Variants in LSG1 observed in about 807,000 individuals in gnomAD.
The protein encoded by LSG1 is large subunit GTPase 1 homolog.
In LSG1, 55 loss-of-function variants were observed where a neutral mutation model predicts 82.6. The observed-to-expected ratio is 0.67, with a 90% confidence interval of 0.54 to 0.83. The LOEUF is 0.83. Ranked by LOEUF, LSG1 falls within the 40% of genes least tolerant of loss-of-function variation. The pLI is 0.00. For synonymous variants in LSG1, 272 were observed against 282.5 expected (o/e 0.96, Z 0.37); for missense variants, 809 against 807.9 (o/e 1.00, Z -0.02).
intron 7 of LSG1, among the ~76,000 whole-genome samples, chr3:194,657,927 G>T (rs148179500): frequency 2.0e-5 from 3 of 152,224 alleles, no homozygotes; most frequent in Non-Finnish European, 4.4e-5. Flanking sequence ...CTTTGACAGG[G>T]AAGTGGAGGA....
intron 12 of LSG1, among the ~76,000 whole-genome samples, chr3:194,645,565 C>CACAG (rs1718523827): frequency 1.6e-5 from 1 of 62,900 alleles, no homozygotes; most frequent in African/African-American, 5.8e-5. Flanking sequence ...CACACACACA[C>CACAG]ACACAGACAG....
chr3:194,662,096 C>A (rs1263919257), intron 5 of LSG1, among the ~76,000 whole-genome samples: 7 of 152,184 alleles, frequency 4.6e-5, no homozygotes, highest in Admixed American at 4.6e-4. Flanking sequence ...CCCTGACGCC[C>A]AAGAAAGCCC....
intron 13 of LSG1, among the ~76,000 whole-genome samples, chr3:194,643,860 C>T (rs950620618): frequency 2.6e-5 from 4 of 152,028 alleles, no homozygotes; most frequent in Non-Finnish European, 5.9e-5. Context: ...AAACATTATT[C>T]GGTAATAAAA....
chr3:194,649,594 G>A (rs1465553762), intron 10 of LSG1, among the ~76,000 whole-genome samples: 2 of 152,084 alleles, frequency 1.3e-5, no homozygotes, highest in East Asian at 3.9e-4. Context: ...GGAGGCTGAG[G>A]CAGGAGAATT....
At chr3:194,645,511 C>CACACACAGACAG (rs1718505246) in intron 12 of LSG1, 1 of 43,186 alleles carries the variant, frequency 2.3e-5, no homozygotes, top group Admixed American at 2.7e-4. Flanking sequence ...CACACACACA[C>CACACACAGACAG]ACACACACAC....
chr3:194,671,903 C>CA, intron 1 of LSG1, 161 bp downstream of exon 1: 1 of 689,816 alleles, frequency 1.4e-6, no homozygotes, highest in South Asian at 1.6e-5. Context: ...TGGGCCTTGC[C>CA]AGGAGGAGGG....
chr3:194,666,505 C>T lies in LSG1; in HGVS notation c.294G>A (p.Gln98=), dbSNP rs759951678. Residue 98 remains glutamine, a synonymous_variant, in exon 3 of 14, where the codon CAG becomes CAA. Transcript: ENST00000265245. The part of the protein sequence containing the change: ...RTGLLSFEES[Q]RIKKLHEENK... Reference sequence around the variant, plus strand: ...TTTCTTCATGGAGCTTCTTAATTCTCTGGCTCTCCTCGAAAGACAGTAGTC... The same window carrying T: ...TTTCTTCATGGAGCTTCTTAATTCTTTGGCTCTCCTCGAAAGACAGTAGTC... The T allele has an allele frequency of 1.7e-5, 27 of 1,613,948 alleles. No individual in the cohort carries two copies. The East Asian group carries it at 5.6e-4, about 33-fold the overall frequency.
intron 2 of LSG1, among the ~76,000 whole-genome samples, chr3:194,668,396 C>T (rs1340515574): frequency 3.3e-5 from 5 of 152,216 alleles, no homozygotes; most frequent in Admixed American, 2.0e-4. Flanking sequence ...ACTCCCACAG[C>T]GATGTATGGT....
chr3:194,671,343 G>C (rs1560231183), intron 1 of LSG1, among the ~76,000 whole-genome samples: 1 of 152,190 alleles, frequency 6.6e-6, no homozygotes, highest in African/African-American at 2.4e-5. Context: ...ACTCCATGCT[G>C]TTTACTCTGC....
At chr3:194,644,977 T>C in intron 12 of LSG1, 1 of 371,908 alleles carries the variant, frequency 2.7e-6, no homozygotes, top group Non-Finnish European at 4.8e-6. Flanking sequence ...ATGAAATCTC[T>C]TTCTTCTTTT....
Position 194,666,243 on chromosome 3 carries a change from C to T in LSG1, c.394G>A (p.Glu132Lys). The T allele has an allele frequency of 6.2e-7, 1 of 1,614,140 alleles. No individual in the cohort carries two copies. Among genetic ancestry groups the T allele is most frequent in the Non-Finnish European group, 8.5e-7 (1 of 1,180,016 alleles). Reference sequence around the variant, plus strand: ...CTCCATTCTAGAAAGTTATCTTTCTCTGCTTGTTTGAGTTCTTCTGGGGTA... The same window carrying T: ...CTCCATTCTAGAAAGTTATCTTTCTTTGCTTGTTTGAGTTCTTCTGGGGTA... Reference protein sequence around the residue: ...NTTPEELKQAEKDNFLEWRRQ... With the variant: ...NTTPEELKQAKKDNFLEWRRQ... Residue 132 changes from glutamate (E) to lysine (K), a missense_variant, in exon 4 of 14, where the codon GAG becomes AAG. Glu to Lys is a moderately conservative substitution (Grantham distance 56). Coordinates refer to ENST00000265245, the MANE Select transcript of LSG1 (RefSeq NM_018385.3).
At chr3:194,654,687 T>C (rs1216835644) in intron 7 of LSG1, among the ~76,000 whole-genome samples, 6 of 152,096 alleles carry the variant, frequency 3.9e-5, no homozygotes, top group African/African-American at 1.4e-4. Context: ...GAACTGAACA[T>C]GAATGTGTAG....
intron 12 of LSG1, among the ~76,000 whole-genome samples, chr3:194,645,779 A>C (rs752139306): frequency 9.2e-5 from 14 of 152,236 alleles, no homozygotes; most frequent in Non-Finnish European, 2.1e-4. Flanking sequence ...GACGCACGTA[A>C]AACAGAACTA....
At chr3:194,645,108 T>A (rs1271714846) in intron 12 of LSG1, 1 of 161,054 alleles carries the variant, frequency 6.2e-6, no homozygotes, top group African/African-American at 2.4e-5. Context: ...CGGGTTAGAC[T>A]GTTAAAGTCA....
chr3:194,672,137 C>T lies in LSG1; in HGVS notation c.26G>A (p.Gly9Asp). 6.2e-7 allele frequency: 1 copy of T among 1,605,552 alleles called. No individual in the cohort carries two copies. Among genetic ancestry groups the T allele is most frequent in the Non-Finnish European group, 8.5e-7 (1 of 1,179,948 alleles). MGRRRAPAGGSLGRALMRH... is the reference protein window; with the variant it reads MGRRRAPADGSLGRALMRH... ...CATAAGGGCCCGTCCCAGCGACCCA[C>T]CGGCCGGGGCTCTCCTCCGGCCCAT... The change falls in exon 1 of 14, where the codon GGT (glycine) becomes GAT (aspartate). Residue 9 changes from glycine to aspartate, a missense_variant. Coordinates refer to ENST00000265245, the MANE Select transcript of LSG1 (RefSeq NM_018385.3).
chr3:194,644,842 C>T lies in LSG1; in HGVS notation c.1624-96G>A, dbSNP rs565588103. The T allele has an allele frequency of 7.0e-6, 7 of 1,005,880 alleles. No homozygotes were observed. The South Asian group carries it at 1.8e-4, about 27-fold the overall frequency. 62.3% of individuals were successfully genotyped at this position (1,005,880 alleles called of 1,614,324 possible). A position where few individuals can be genotyped will look rare whatever the true frequency, so the allele number is the denominator to read the frequency against. ...CCCAGTCACACTCTGATGGAGCTTT[C>T]TGCCTTCTGGTTAAGTTAGCTGAGT... On this transcript the variant is annotated intron_variant, in intron 12 of 13. Transcript: ENST00000265245.
At chr3:194,659,841 G>C (rs1162210801) in intron 6 of LSG1, among the ~76,000 whole-genome samples, 3 of 152,228 alleles carry the variant, frequency 2.0e-5, no homozygotes, top group African/African-American at 7.2e-5. Flanking sequence ...TAAACTAAAA[G>C]CTAGAAAGCT....
chr3:194,653,042 G>A lies in LSG1; in HGVS notation c.860C>T (p.Pro287Leu), dbSNP rs1560223224. The change falls in exon 8 of 14, where the codon CCA (proline) becomes CTA (leucine). Residue 287 changes from proline to leucine, a missense_variant. Physicochemically the swap from Pro to Leu is moderately conservative, Grantham distance 98. Coordinates refer to ENST00000265245, the MANE Select transcript of LSG1 (RefSeq NM_018385.3). ...EISHSESEHL[P>L]ARDSPSLSEN... is the part of the protein sequence containing the mutation. Reference sequence around the variant, plus strand: ...ACTAAGTGAAGGAGAATCCCTAGCTGGGAGATGTTCGGATTCACTGTGGGA... The same window carrying A: ...ACTAAGTGAAGGAGAATCCCTAGCTAGGAGATGTTCGGATTCACTGTGGGA... The A allele has an allele frequency of 1.9e-6, 3 of 1,614,170 alleles. No homozygotes were observed. The highest frequency in any genetic ancestry group is 2.5e-6 in the Non-Finnish European group (3 of 1,180,020).
chr3:194,664,462 C>T (rs1354006655), intron 5 of LSG1, among the ~76,000 whole-genome samples: 1 of 152,102 alleles, frequency 6.6e-6, no homozygotes, highest in Non-Finnish European at 1.5e-5. Context: ...TTGAGGAAAA[C>T]AGAAACCTTT....
Sources: allele counts gnomAD v4.1 joint callset (sites outside exome capture counted in the v4.1 genomes callset), GRCh38; gene constraint gnomAD v4.1.1; transcripts MANE v1.5; gene names NCBI Gene and HGNC (gene_info 2026-07-23, HGNC 2026-07-21).